The following ETV6 variants were observed in gnomAD, a reference collection of about 807,000 sequenced individuals.
The protein encoded by ETV6 is transcription factor ETV6.
A neutral mutation model predicts 51.1 loss-of-function variants in ETV6; 16 were observed. That is an observed-to-expected ratio of 0.31 (90% CI 0.21 to 0.48). ETV6 has a LOEUF of 0.48. Ranked by LOEUF, ETV6 falls within the 20% of genes least tolerant of loss-of-function variation. The pLI is 0.99. For missense variants in ETV6, 458 were observed against 594.8 expected (o/e 0.77, Z 2.39); for synonymous variants, 240 against 224.1 (o/e 1.07, Z -0.64).
chr12:11,816,497 C>T (rs955904484), intron 2 of ETV6, among the ~76,000 whole-genome samples: 7 of 152,298 alleles, frequency 4.6e-5, no homozygotes, highest in East Asian at 1.9e-4. Context: ...CCACCCGCCT[C>T]GGCCTCCCAA....
intron 1 of ETV6, among the ~76,000 whole-genome samples, chr12:11,664,356 T>C (rs1371671896): frequency 6.6e-6 from 1 of 152,096 alleles, no homozygotes; most frequent in Non-Finnish European, 1.5e-5. Flanking sequence ...CCCACATAAG[T>C]CAGAAACTGC....
intron 2 of ETV6, among the ~76,000 whole-genome samples, chr12:11,753,346 C>T (rs1281617950): frequency 6.6e-6 from 1 of 152,178 alleles, no homozygotes; most frequent in Non-Finnish European, 1.5e-5. Flanking sequence ...CTGCCTTTCT[C>T]ATACTGCCAC....
At chr12:11,688,646 A>G (rs371016681) in intron 1 of ETV6, among the ~76,000 whole-genome samples, 1 of 152,136 alleles carries the variant, frequency 6.6e-6, no homozygotes, top group Non-Finnish European at 1.5e-5. Flanking sequence ...GGCCCTCTTT[A>G]TGCTTCTCTG....
At chr12:11,857,687 G>A (rs1946651630) in intron 4 of ETV6, among the ~76,000 whole-genome samples, 1 of 152,132 alleles carries the variant, frequency 6.6e-6, no homozygotes, top group Admixed American at 6.6e-5. Context: ...AACAAACTGG[G>A]GTGAGTGTGT....
chr12:11,856,472 G>A (rs1946634549), intron 4 of ETV6, among the ~76,000 whole-genome samples: 1 of 152,184 alleles, frequency 6.6e-6, no homozygotes, highest in African/African-American at 2.4e-5. Flanking sequence ...CAGTGAACAG[G>A]TGCACACAAC....
chr12:11,857,238 T>C (rs1327945969), intron 4 of ETV6, among the ~76,000 whole-genome samples: 1 of 152,224 alleles, frequency 6.6e-6, no homozygotes, highest in Non-Finnish European at 1.5e-5. Context: ...CCTCTATGAC[T>C]TTCTTACATT....
intron 1 of ETV6, among the ~76,000 whole-genome samples, chr12:11,658,940 T>A (rs111878204): frequency 1.1e-4 from 16 of 152,244 alleles, no homozygotes; most frequent in African/African-American, 3.9e-4. Context: ...TTTGAACCTA[T>A]TCAGGGATCT....
intron 4 of ETV6, among the ~76,000 whole-genome samples, chr12:11,860,695 C>T (rs1327144498): frequency 2.6e-5 from 4 of 151,852 alleles, no homozygotes; most frequent in Admixed American, 2.0e-4. Flanking sequence ...GGTTGTTTCC[C>T]CCCCTCTGTT....
chr12:11,775,610 A>C (rs745460674), intron 2 of ETV6, among the ~76,000 whole-genome samples: 18 of 152,278 alleles, frequency 1.2e-4, no homozygotes, highest in Admixed American at 2.0e-4. Context: ...TCTAGAGGGG[A>C]GACTCCACCT....
At chr12:11,890,344 T>C (rs140270307) in intron 7 of ETV6, among the ~76,000 whole-genome samples, 57 of 152,108 alleles carry the variant, frequency 3.7e-4, no homozygotes, top group Middle Eastern at 3.4e-3. Flanking sequence ...ATACATGGTC[T>C]GGACCAAGGC....
At chr12:11,800,100 T>C (rs1463221115) in intron 2 of ETV6, among the ~76,000 whole-genome samples, 3 of 152,148 alleles carry the variant, frequency 2.0e-5, no homozygotes, top group Admixed American at 1.3e-4. Flanking sequence ...CATCTGATAA[T>C]ATATATGACC....
At chr12:11,651,228 C>T (rs1863899972) in intron 1 of ETV6, among the ~76,000 whole-genome samples, 1 of 152,174 alleles carries the variant, frequency 6.6e-6, no homozygotes, top group Non-Finnish European at 1.5e-5. Context: ...TTGGTTTGGC[C>T]TATTTAATGT....
intron 1 of ETV6, among the ~76,000 whole-genome samples, chr12:11,667,906 TG>T (rs1167609897): frequency 6.6e-6 from 1 of 151,740 alleles, no homozygotes; most frequent in Non-Finnish European, 1.5e-5. Context: ...TTCACCATCT[TG>T]GCCAGGCTGG....
chr12:11,857,834 G>C (rs1205517313), intron 4 of ETV6, among the ~76,000 whole-genome samples: 1 of 152,162 alleles, frequency 6.6e-6, no homozygotes, highest in Non-Finnish European at 1.5e-5. Flanking sequence ...TATAAGAAGG[G>C]GGTTAGGCTA....
chr12:11,680,440 G>A (rs138769820), intron 1 of ETV6, among the ~76,000 whole-genome samples: 1 of 152,186 alleles, frequency 6.6e-6, no homozygotes, highest in African/African-American at 2.4e-5. Context: ...CTTAGTGATG[G>A]TGCTGTAGCT....
chr12:11,757,813 G>A (rs1945029026), intron 2 of ETV6, among the ~76,000 whole-genome samples: 1 of 152,238 alleles, frequency 6.6e-6, no homozygotes, highest in African/African-American at 2.4e-5. Context: ...ATGAAGTTGT[G>A]CTGAATCCTC....
chr12:11,650,042 G>T lies in ETV6; in HGVS notation c.-86G>T. The T allele has an allele frequency of 1.6e-6, 2 of 1,222,822 alleles. No homozygotes were observed. Among genetic ancestry groups the T allele is most frequent in the Non-Finnish European group, 2.4e-6 (2 of 826,406 alleles). 75.7% of individuals were successfully genotyped at this position (1,222,822 alleles called of 1,614,324 possible). On this transcript the variant is annotated 5_prime_UTR_variant, in exon 1 of 8. Transcript: ENST00000396373. Reference sequence around the variant, plus strand: ...GAAACTTCTTAAATGACCGCGTCTGGCTGGCCGTGGAGCCTTTCTGGGTTG... The same window carrying T: ...GAAACTTCTTAAATGACCGCGTCTGTCTGGCCGTGGAGCCTTTCTGGGTTG...
chr12:11,775,494 C>T (rs1945308505), intron 2 of ETV6, among the ~76,000 whole-genome samples: 1 of 152,180 alleles, frequency 6.6e-6, no homozygotes. Context: ...ACATCTTCAG[C>T]AAATATTAAC....
In ETV6 at chr12:11,816,914, A is replaced by G. The variant is rs771118966; in HGVS notation, c.164-22226A>G. On this transcript the variant is annotated intron_variant, in intron 2 of 7. Transcript: ENST00000396373. ...CTTTCCATCCTTCCATTAGACTCAC[A>G]GCCCAGTTAGGATGTTCACAGTCCC... 1.3e-5 allele frequency among the ~76,000 whole-genome samples: 2 copies of G among 152,224 alleles called. 1 individual carries two copies. The highest frequency in any genetic ancestry group is 4.1e-4 in the South Asian group (2 of 4,832).
Sources: gnomAD v4.1 joint callset for allele counts (sites outside exome capture counted in the v4.1 genomes callset) on GRCh38, gnomAD v4.1.1 for gene constraint, MANE v1.5 for transcripts, NCBI Gene and HGNC (gene_info 2026-07-23, HGNC 2026-07-21) for gene names.